Variants in NCS1 observed in about 807,000 individuals in gnomAD.
NCS1 encodes the protein frequenin homolog.
A neutral mutation model predicts 28.4 loss-of-function variants in NCS1; 6 were observed. The ratio of observed to expected loss-of-function variants is 0.21; its 90% CI spans 0.12 to 0.42. The LOEUF is 0.42. Ranked by LOEUF, NCS1 falls within the 10% of genes least tolerant of loss-of-function variation. The pLI is 1.00. For missense variants in NCS1, 131 were observed against 241.4 expected, an observed-to-expected ratio of 0.54 and a Z score of 3.03; for synonymous variants, 86 against 99.3, an observed-to-expected ratio of 0.87 and a Z score of 0.79.
chr9:130,184,830 C>T (rs1210975930), intron 1 of NCS1, among the ~76,000 whole-genome samples: 3 of 150,736 alleles, frequency 2.0e-5, no homozygotes, highest in African/African-American at 7.3e-5. Flanking sequence ...GACAGGTTTT[C>T]GCCATGTTGG....
At chr9:130,208,017 A>G (rs782151463) in intron 2 of NCS1, among the ~76,000 whole-genome samples, 1 of 152,020 alleles carries the variant, frequency 6.6e-6, no homozygotes, top group East Asian at 1.9e-4. Context: ...AGGAACCACA[A>G]TGAGGGCTGC....
chr9:130,209,580 C>A lies in NCS1; in HGVS notation c.90-8252C>A, dbSNP rs1287004864. On this transcript the variant is annotated intron_variant, in intron 2 of 7. Coordinates refer to ENST00000372398, the MANE Select transcript of NCS1 (RefSeq NM_014286.4). This position sits in a 1 kb window ranked among gnomAD's most constrained non-coding sequence, Gnocchi z 4.4. Reference sequence around the variant, plus strand: ...ATCCGGGACTGAGGGGGGCGAGGTGCTTGGAGTCTCCTGGTGGACGAGGGC... The same window carrying A: ...ATCCGGGACTGAGGGGGGCGAGGTGATTGGAGTCTCCTGGTGGACGAGGGC... Among the ~76,000 whole-genome samples, 1 of 152,166 alleles carries A rather than the reference C, an allele frequency of 6.6e-6. No individual in the cohort carries two copies. Among genetic ancestry groups the A allele is most frequent in the African/African-American group, 2.4e-5 (1 of 41,446 alleles).
Position 130,235,125 on chromosome 9 carries a change from C to CG in NCS1, c.*2153_*2154insG, listed in dbSNP as rs1554912769. On this transcript the variant is annotated 3_prime_UTR_variant, in exon 8 of 8. Coordinates refer to ENST00000372398, the MANE Select transcript of NCS1 (RefSeq NM_014286.4). ...TGCACGCTGGCCCCACGGTAACCCC[C>CG]CCTCCCCCACCAACATCCTGCAGGG... 1 of 152,236 alleles carries CG rather than the reference C, an allele frequency of 6.6e-6. No individual in the cohort carries two copies. The highest frequency in any genetic ancestry group is 1.9e-4 in the East Asian group (1 of 5,184). The allele number at this position is 152,236 out of a possible 1,614,324, so 9.4% of individuals were successfully genotyped here. A position where few individuals can be genotyped will look rare whatever the true frequency, so the allele number is the denominator to read the frequency against.
chr9:130,225,405 G>A (rs1213873166), intron 6 of NCS1, among the ~76,000 whole-genome samples: 5 of 152,250 alleles, frequency 3.3e-5, no homozygotes, highest in South Asian at 2.1e-4. Flanking sequence ...AAGATTTATC[G>A]ACAGAGTGTG....
At chr9:130,221,005 A>G (rs1173134702) in intron 4 of NCS1, among the ~76,000 whole-genome samples, 10 of 151,974 alleles carry the variant, frequency 6.6e-5, no homozygotes, top group Non-Finnish European at 1.0e-4. Flanking sequence ...TGGCAGCCCA[A>G]TGCCCCATCC....
chr9:130,221,403 TATATATATATAGAG>T (rs1180365003), intron 4 of NCS1, among the ~76,000 whole-genome samples: 3,113 of 41,516 alleles, frequency 0.075, 30 homozygotes, highest in East Asian at 0.14. Context: ...TATATATATA[TATATATATATAGAG>T]AGAGAGAGAG....
At chr9:130,176,736 A>G (rs1023991893) in intron 1 of NCS1, among the ~76,000 whole-genome samples, 30 of 152,346 alleles carry the variant, frequency 2.0e-4, no homozygotes, top group African/African-American at 7.2e-4. Flanking sequence ...CTGTTCATTA[A>G]GTGCTCACTG....
intron 1 of NCS1, 80 bp from the exon 2 acceptor site, chr9:130,200,878 A>G: frequency 6.4e-7 from 1 of 1,562,316 alleles, no homozygotes; most frequent in Non-Finnish European, 8.8e-7. Context: ...GCTGGAGGGG[A>G]GGCCCCCCAG....
At chr9:130,194,522 C>G (rs758849) in intron 1 of NCS1, among the ~76,000 whole-genome samples, 37,978 of 152,126 alleles carry the variant, frequency 0.25, 5,600 homozygotes, top group Admixed American at 0.34. Context: ...CCCAGCCCCC[C>G]CTCTCCCAGG....
rs376898840 is a variant in NCS1 at position 130,225,203 on chromosome 9, C to T, written c.475-1186C>T. ...TGAGACCCTGTCTCAATCAATCAAT[C>T]GATCAGTCAATCATAGAAATTCCTG... On this transcript the variant is annotated intron_variant, in intron 6 of 7. Transcript: ENST00000372398. Among the ~76,000 whole-genome samples the T allele has an allele frequency of 9.2e-5, 14 of 152,266 alleles. No individual in the cohort carries two copies. The South Asian group carries it at 1.2e-3, about 14-fold the overall frequency.
rs558983588 is a variant in NCS1, at chr9:130,186,493, G to A, written c.64+13766G>A. On this transcript the variant is annotated intron_variant, in intron 1 of 7. Coordinates refer to ENST00000372398, the MANE Select transcript of NCS1 (RefSeq NM_014286.4). The surrounding 1 kb of genome is among the most constrained non-coding windows in gnomAD (Gnocchi z 4.1). ...TTTGATAGTACTGCTTGAGGGAGATGAGAAGTTTGCGGGGAGGGTTTGTGT... is the reference window on the plus strand; with the variant it reads ...TTTGATAGTACTGCTTGAGGGAGATAAGAAGTTTGCGGGGAGGGTTTGTGT... 3.3e-5 allele frequency among the ~76,000 whole-genome samples: 5 copies of A among 152,254 alleles called. No individual in the cohort carries two copies. The East Asian group carries it at 9.6e-4, about 29-fold the overall frequency.
chr9:130,221,411 T>TAGAG (rs1833296835), intron 4 of NCS1, among the ~76,000 whole-genome samples: 4 of 51,988 alleles, frequency 7.7e-5, no homozygotes, highest in African/African-American at 2.8e-4. Context: ...TATATATATA[T>TAGAG]ATAGAGAGAG....
Position 130,192,545 on chromosome 9 carries a change from G to A in NCS1, c.65-8413G>A, listed in dbSNP as rs1214793918. ...GGAGCTGGGGGGCCTGGAGGTCTCA[G>A]GAGTTGACCTCTTTCGTGGGACAGA... is the stretch of plus-strand genomic sequence containing the variant. On this transcript the variant is annotated intron_variant, in intron 1 of 7. Transcript: ENST00000372398. This position sits in a 1 kb window ranked among gnomAD's most constrained non-coding sequence, Gnocchi z 4.8. 6.6e-5 allele frequency among the ~76,000 whole-genome samples: 10 copies of A among 152,118 alleles called. No individual in the cohort carries two copies. Among genetic ancestry groups the A allele is most frequent in the African/African-American group, 1.9e-4 (8 of 41,434 alleles).
rs1396752356 is a variant in NCS1, at chr9:130,235,224, C to T, written c.*2252C>T. On this transcript the variant is annotated 3_prime_UTR_variant, in exon 8 of 8. Transcript: ENST00000372398. ...TTTGAGGCCCCTGCCAGTCGGCTCC[C>T]TGCTCAGCTGCTGGCCCGGGCGACC... 1 of 152,426 alleles carries T rather than the reference C, an allele frequency of 6.6e-6. No individual in the cohort carries two copies. The highest frequency in any genetic ancestry group is 1.5e-5 in the Non-Finnish European group (1 of 68,232). The allele number at this position is 152,426 out of a possible 1,614,324, so 9.4% of individuals were successfully genotyped here.
At chr9:130,173,922 G>C (rs1295405811) in intron 1 of NCS1, among the ~76,000 whole-genome samples, 2 of 152,194 alleles carry the variant, frequency 1.3e-5, no homozygotes, top group Non-Finnish European at 2.9e-5. Flanking sequence ...CCTCATGCTT[G>C]GAACAAAGGG....
intron 6 of NCS1, 122 bp downstream of exon 6, chr9:130,223,281 G>A (rs1273161687): frequency 1.4e-5 from 12 of 834,982 alleles, no homozygotes; most frequent in Admixed American, 8.3e-5. Flanking sequence ...CACGGCAGGC[G>A]GCACGGTGTC....
chr9:130,223,467 A>G (rs79219423), intron 6 of NCS1, among the ~76,000 whole-genome samples: 4,847 of 152,190 alleles, frequency 0.032, 241 homozygotes, highest in African/African-American at 0.11. Context: ...AAGCGCATAA[A>G]ATAAAATCCA....
intron 2 of NCS1, among the ~76,000 whole-genome samples, chr9:130,203,136 A>ATATATATATTT (rs1471670630): frequency 6.7e-4 from 73 of 108,454 alleles, no homozygotes; most frequent in African/African-American, 2.5e-3. Flanking sequence ...ATATATATAT[A>ATATATATATTT]TTTTTTTTTT....
Position 130,192,187 on chromosome 9 carries a change from G to T in NCS1, c.65-8771G>T, listed in dbSNP as rs189317162. On this transcript the variant is annotated intron_variant, in intron 1 of 7. Coordinates refer to ENST00000372398, the MANE Select transcript of NCS1 (RefSeq NM_014286.4). This position sits in a 1 kb window ranked among gnomAD's most constrained non-coding sequence, Gnocchi z 4.8. ...GGTCTCTCTTCTCACCCTGGCAGGG[G>T]CATCGAGTAATAAGTACAACAGCAG... Among the ~76,000 whole-genome samples the T allele has an allele frequency of 9.4e-3, 1,428 of 152,270 alleles. 14 individuals carry two copies. Among genetic ancestry groups the T allele is most frequent in the Middle Eastern group, 0.034 (10 of 294 alleles).
Sources: gnomAD v4.1 joint callset for allele counts (sites outside exome capture counted in the v4.1 genomes callset) on GRCh38, gnomAD v4.1.1 for gene constraint, Gnocchi (gnomAD v3.1) non-coding constraint, MANE v1.5 for transcripts, NCBI Gene and HGNC (gene_info 2026-07-23, HGNC 2026-07-21) for gene names.